EML2: variants seen among roughly 807,000 people sequenced by gnomAD.
EML2 encodes EMAP like 2, also known as echinoderm microtubule-associated protein-like 2.
A neutral mutation model predicts 84.7 loss-of-function variants in EML2; 59 were observed. The ratio of observed to expected loss-of-function variants is 0.70; its 90% CI spans 0.56 to 0.86. The LOEUF (loss-of-function observed/expected upper bound fraction) is 0.86. Ranked by LOEUF, EML2 falls within the 40% of genes least tolerant of loss-of-function variation. The pLI, the probability that EML2 is intolerant of heterozygous loss-of-function variation, is 0.00. For synonymous variants in EML2, 352 were observed against 348.9 expected (o/e 1.01, Z -0.10); for missense variants, 818 against 855.6 (o/e 0.96, Z 0.55).
chr19:45,624,831 AG>A lies in EML2; in HGVS notation c.742-14del. 6.3e-7 allele frequency: 1 copy of A among 1,592,556 alleles called. No individual in the cohort carries two copies. Among genetic ancestry groups the A allele is most frequent in the Non-Finnish European group, 8.6e-7 (1 of 1,165,582 alleles). Reference sequence around the variant, plus strand: ...GTTTCTCATGTTTCTAAGGTGGGGGAGGAAAGGAAGGTGTCAGAGCGTCACT... The same window carrying A: ...GTTTCTCATGTTTCTAAGGTGGGGGAGAAAGGAAGGTGTCAGAGCGTCACT... On this transcript the variant is annotated splice_polypyrimidine_tract_variant and intron_variant, in intron 8 of 18. Transcript: ENST00000245925.
intron 7 of EML2, among the ~76,000 whole-genome samples, chr19:45,627,161 T>G (rs1972452711): frequency 6.6e-6 from 1 of 152,002 alleles, no homozygotes; most frequent in Admixed American, 6.6e-5. Flanking sequence ...GATTTCACCA[T>G]GTTTCCCGGC....
chr19:45,618,727 T>C (rs1971361512), intron 12 of EML2: 1 of 156,280 alleles, frequency 6.4e-6, no homozygotes, highest in African/African-American at 2.4e-5. Flanking sequence ...GGCGGGCGGA[T>C]CACGAGGTCA....
chr19:45,609,848 G>C (rs1970301273), intron 18 of EML2, 60 bp from the exon 19 acceptor site: 1 of 1,574,836 alleles, frequency 6.3e-7, no homozygotes, highest in Non-Finnish European at 8.6e-7. Context: ...ACCCCATCAT[G>C]GTCCTCTTGT....
intron 6 of EML2, among the ~76,000 whole-genome samples, chr19:45,630,413 C>A (rs1342075673): frequency 6.6e-6 from 1 of 151,728 alleles, no homozygotes; most frequent in Non-Finnish European, 1.5e-5. Flanking sequence ...ATTAGCCAGG[C>A]GTGGTGGCAG....
At chr19:45,621,387 G>T in intron 10 of EML2, 55 bp from the exon 11 acceptor site, 1 of 1,573,826 alleles carries the variant, frequency 6.4e-7, no homozygotes, top group Non-Finnish European at 8.6e-7. Context: ...TGGGTGTGGG[G>T]TGACATACTG....
At chr19:45,634,534 T>C (rs965561618) in intron 3 of EML2, 63 bp from the exon 4 acceptor site, 1 of 1,147,642 alleles carries the variant, frequency 8.7e-7, no homozygotes, top group Non-Finnish European at 1.1e-6. Flanking sequence ...TTGTTTTGTT[T>C]TTATTTATTT....
chr19:45,632,858 T>TA lies in EML2; in HGVS notation c.510+2dup. 1.2e-6 allele frequency: 2 copies of TA among 1,613,494 alleles called. No homozygotes were observed. Among genetic ancestry groups the TA allele is most frequent in the South Asian group, 2.2e-5 (2 of 91,014 alleles). ...GCGGGGTTAGGGTGGGCGAAGGACT[T>TA]ACAGATTTGGAGAAGCCCACACAGC... On this transcript the variant is annotated splice_region_variant and intron_variant, in intron 6 of 18. Coordinates refer to ENST00000245925, the MANE Select transcript of EML2 (RefSeq NM_012155.4).
rs934867212 is a variant in EML2, at chr19:45,633,264, A to G, written c.330-125T>C. On this transcript the variant is annotated intron_variant, in intron 4 of 18. Transcript: ENST00000245925. ...TCAATAAACGTGTATTTAGTGCATT[A>G]ATAGCAGTGAGCGGATGCCCTCCGG... The G allele has an allele frequency of 1.3e-5, 12 of 931,314 alleles. No individual in the cohort carries two copies. In the African/African-American group the frequency reaches 1.8e-4, roughly 14 times the overall value. 57.7% of individuals were successfully genotyped at this position (931,314 alleles called of 1,614,324 possible).
intron 3 of EML2, among the ~76,000 whole-genome samples, chr19:45,635,583 C>CTTTT (rs1172930803): frequency 3.7e-5 from 4 of 108,486 alleles, no homozygotes; most frequent in African/African-American, 1.1e-4. Flanking sequence ...TGTCTGTTTC[C>CTTTT]TTTTTTTTTT....
chr19:45,611,219 G>A (rs1444509717), intron 18 of EML2, among the ~76,000 whole-genome samples: 1 of 152,042 alleles, frequency 6.6e-6, no homozygotes, highest in African/African-American at 2.4e-5. Context: ...AGACCAGCCT[G>A]ACCAATATGG....
chr19:45,614,930 T>C (rs1174972159), intron 16 of EML2: 1 of 443,498 alleles, frequency 2.3e-6, no homozygotes. Context: ...GCATGGTGGC[T>C]CACGTCTGTA....
intron 8 of EML2, 110 bp downstream of exon 8, chr19:45,626,595 T>C: frequency 1.6e-6 from 2 of 1,246,022 alleles, no homozygotes; most frequent in Admixed American, 2.2e-5. Context: ...CATCTCAGCG[T>C]CCCTGTAATC....
intron 17 of EML2, among the ~76,000 whole-genome samples, chr19:45,614,039 T>C (rs985561237): frequency 1.3e-5 from 2 of 152,208 alleles, no homozygotes; most frequent in African/African-American, 4.8e-5. Context: ...GTATGTACTA[T>C]TCCCTTTGCC....
intron 18 of EML2, among the ~76,000 whole-genome samples, chr19:45,610,531 C>T (rs1429295194): frequency 1.3e-5 from 2 of 149,718 alleles, no homozygotes; most frequent in African/African-American, 2.5e-5. Context: ...GGTGAAACCC[C>T]GTCTCTACTA....
intron 18 of EML2, among the ~76,000 whole-genome samples, chr19:45,611,257 C>A (rs76877602): frequency 0.063 from 9,484 of 151,448 alleles, 653 homozygotes; most frequent in African/African-American, 0.16. Context: ...TTGAAAAATA[C>A]AAAATTAGCC....
chr19:45,644,623 C>T (rs1257718055), upstream of EML2: 8 of 452,284 alleles, frequency 1.8e-5, no homozygotes, highest in East Asian at 7.0e-5. Context: ...TCCTGACCAT[C>T]CCCCCATCCT....
upstream of EML2, chr19:45,645,403 C>A: frequency 6.7e-7 from 1 of 1,487,376 alleles, no homozygotes; most frequent in South Asian, 1.3e-5. Context: ...CCCAACCAGG[C>A]CCTGCCTCCC....
chr19:45,620,824 T>C (rs1971598650), intron 11 of EML2: 1 of 358,824 alleles, frequency 2.8e-6, no homozygotes, highest in Non-Finnish European at 5.5e-6. Context: ...GAGCAGGCGT[T>C]TGAGCTTCGA....
intron 4 of EML2, among the ~76,000 whole-genome samples, chr19:45,633,621 T>C (rs1180653142): frequency 6.6e-6 from 1 of 151,842 alleles, no homozygotes; most frequent in Non-Finnish European, 1.5e-5. Flanking sequence ...CACCTGTAGT[T>C]CCAGCTACTC....
Sources: gnomAD v4.1 joint callset for allele counts (sites outside exome capture counted in the v4.1 genomes callset) on GRCh38, gnomAD v4.1.1 for gene constraint, MANE v1.5 for transcripts, NCBI Gene and HGNC (gene_info 2026-07-23, HGNC 2026-07-21) for gene names.